GRID2: variants seen among roughly 807,000 people sequenced by gnomAD.
GRID2 encodes the protein glutamate ionotropic receptor delta type subunit 2.
A neutral mutation model predicts 114.8 loss-of-function variants in GRID2; 33 were observed. That is an observed-to-expected ratio of 0.29 (90% confidence interval 0.22 to 0.38). The LOEUF (loss-of-function observed/expected upper bound fraction) is 0.38. Ranked by LOEUF, GRID2 falls within the 10% of genes least tolerant of loss-of-function variation. The pLI is 1.00. For synonymous variants in GRID2, 505 were observed against 449.9 expected, an observed-to-expected ratio of 1.12 and a Z score of -1.55; for missense variants, 1,184 against 1,257.7, an observed-to-expected ratio of 0.94 and a Z score of 0.89.
intron 2 of GRID2, among the ~76,000 whole-genome samples, chr4:92,799,167 G>C (rs924426629): frequency 1.3e-5 from 2 of 152,004 alleles, no homozygotes; most frequent in Non-Finnish European, 2.9e-5. Flanking sequence ...GACAGTCCCA[G>C]ATGGGCTGTG....
intron 1 of GRID2, among the ~76,000 whole-genome samples, chr4:92,431,670 G>C (rs1013801621): frequency 5.3e-5 from 8 of 150,516 alleles, no homozygotes; most frequent in African/African-American, 1.5e-4. Flanking sequence ...ATGTTATCTT[G>C]AATTTCATTT....
At chr4:92,990,305 A>G (rs2124621) in intron 2 of GRID2, among the ~76,000 whole-genome samples, 3,095 of 71,322 alleles carry the variant, frequency 0.043, 109 homozygotes, top group Admixed American at 0.13. Context: ...ATATATATAT[A>G]TGTGTGTGTG....
intron 7 of GRID2, among the ~76,000 whole-genome samples, chr4:93,237,373 G>A (rs1746919862): frequency 6.6e-6 from 1 of 151,764 alleles, no homozygotes; most frequent in South Asian, 2.1e-4. Context: ...AGGTGATTGG[G>A]CTACAAGGCA....
At chr4:93,762,594 A>G (rs887382167) in intron 14 of GRID2, among the ~76,000 whole-genome samples, 7 of 152,154 alleles carry the variant, frequency 4.6e-5, no homozygotes, top group African/African-American at 1.7e-4. Flanking sequence ...AGAGGTCAGG[A>G]GAAGAGAAAG....
chr4:92,316,027 C>T (rs1465206324), intron 1 of GRID2, among the ~76,000 whole-genome samples: 2 of 148,126 alleles, frequency 1.4e-5, no homozygotes, highest in Admixed American at 6.7e-5. Context: ...AAAGAGAACC[C>T]GTTCTGTTGT....
intron 11 of GRID2, among the ~76,000 whole-genome samples, chr4:93,489,330 G>A (rs1193503925): frequency 6.6e-6 from 1 of 151,932 alleles, no homozygotes; most frequent in Admixed American, 6.6e-5. Flanking sequence ...ACATATATCG[G>A]CATGGCTCTA....
intron 8 of GRID2, among the ~76,000 whole-genome samples, chr4:93,317,954 T>A (rs556037433): frequency 7.1e-6 from 1 of 140,138 alleles, no homozygotes; most frequent in Non-Finnish European, 1.5e-5. Flanking sequence ...TTCTCAGCAG[T>A]AAATCAGTTT....
intron 14 of GRID2, among the ~76,000 whole-genome samples, chr4:93,630,173 A>C (rs1035308030): frequency 6.6e-6 from 1 of 152,190 alleles, no homozygotes; most frequent in Admixed American, 6.5e-5. Context: ...ATAACTTGGC[A>C]GCAGAAGTTA....
chr4:92,520,257 T>C (rs1724698686), intron 1 of GRID2, among the ~76,000 whole-genome samples: 1 of 151,828 alleles, frequency 6.6e-6, no homozygotes, highest in African/African-American at 2.4e-5. Flanking sequence ...TTCAGGATAA[T>C]GTAATATTAA....
intron 11 of GRID2, among the ~76,000 whole-genome samples, chr4:93,474,556 C>G (rs2149439101): frequency 6.6e-6 from 1 of 152,070 alleles, no homozygotes; most frequent in Non-Finnish European, 1.5e-5. Context: ...TGTAGGAAGC[C>G]CATGATCTAA....
intron 4 of GRID2, among the ~76,000 whole-genome samples, chr4:93,168,508 A>G (rs1225788162): frequency 6.6e-6 from 1 of 152,122 alleles, no homozygotes; most frequent in Non-Finnish European, 1.5e-5. Flanking sequence ...ATATATCACT[A>G]CAAGTAGAAT....
At position 93,224,631 on chromosome 4, in the gene GRID2, A is replaced by G. The variant is rs761727838; in HGVS notation, c.981A>G (p.Ile327Met). 13 of 1,609,876 alleles carry G rather than the reference A, an allele frequency of 8.1e-6. No homozygotes were observed. The South Asian group carries it at 1.1e-4, about 14-fold the overall frequency. Reference protein sequence around the residue: ...AQNMEISNLYIYDTVLLLANA... With the variant: ...AQNMEISNLYMYDTVLLLANA... The stretch of plus-strand genomic sequence containing the variant: ...CTTTTCAGATTTCCAACCTTTACAT[A>G]TATGACACGGTGCTTCTGCTTGCTA... Residue 327 changes from isoleucine (I) to methionine (M), a missense_variant, in exon 7 of 16, where the codon ATA becomes ATG. Physicochemically the swap from Ile to Met is conservative, Grantham distance 10. Coordinates refer to ENST00000282020, the MANE Select transcript of GRID2 (RefSeq NM_001510.4).
At chr4:93,578,587 A>ATTTTTTTTTTTTTTTTTTTTTT (rs59397408) in intron 13 of GRID2, among the ~76,000 whole-genome samples, 3 of 83,930 alleles carry the variant, frequency 3.6e-5, no homozygotes, top group African/African-American at 1.6e-4. Context: ...TGTTTTTTGT[A>ATTTTTTTTTTTTTTTTTTTTTT]TTTTTTTTTT....
chr4:92,557,921 T>A (rs1173536568), intron 1 of GRID2, among the ~76,000 whole-genome samples: 1 of 152,146 alleles, frequency 6.6e-6, no homozygotes, highest in Non-Finnish European at 1.5e-5. Context: ...ATTCTGCAGA[T>A]ACTTTGCATA....
At chr4:93,437,179 C>T (rs1721171035) in intron 10 of GRID2, among the ~76,000 whole-genome samples, 1 of 152,098 alleles carries the variant, frequency 6.6e-6, no homozygotes, top group Non-Finnish European at 1.5e-5. Context: ...TTATTCCTGA[C>T]ACAGTCTCAC....
In GRID2 at chr4:93,626,274, A is replaced by G; in HGVS notation, c.2199A>G (p.Lys733=). ...LESQAGIQKV[K]YGNYAFVWDA... is the part of the protein sequence containing the mutation. ...TGTTCTTCATTTTTTCACAGGTAAA[A>G]TATGGAAATTATGCTTTCGTATGGG... Residue 733 remains lysine, a synonymous_variant, in exon 14 of 16, where the codon AAA becomes AAG. Coordinates refer to ENST00000282020, the MANE Select transcript of GRID2 (RefSeq NM_001510.4). The G allele has an allele frequency of 6.3e-7, 1 of 1,582,664 alleles. No individual in the cohort carries two copies. The highest frequency in any genetic ancestry group is 8.6e-7 in the Non-Finnish European group (1 of 1,158,130).
chr4:93,460,669 C>T (rs1350440655), intron 11 of GRID2, among the ~76,000 whole-genome samples: 2 of 151,596 alleles, frequency 1.3e-5, no homozygotes, highest in Non-Finnish European at 2.9e-5. Flanking sequence ...TAGTTAAGTG[C>T]CTTGTACATG....
At chr4:92,341,866 G>C (rs1044293917) in intron 1 of GRID2, among the ~76,000 whole-genome samples, 3 of 149,238 alleles carry the variant, frequency 2.0e-5, no homozygotes, top group Non-Finnish European at 4.4e-5. Context: ...AGTGAGCTGA[G>C]ATCGCGCCAT....
chr4:93,631,769 T>C (rs1720915446), intron 14 of GRID2, among the ~76,000 whole-genome samples: 1 of 152,226 alleles, frequency 6.6e-6, no homozygotes, highest in South Asian at 2.1e-4. Context: ...TTTCTAGTTC[T>C]AGATCCCTGA....
Sources: allele counts gnomAD v4.1 joint callset (sites outside exome capture counted in the v4.1 genomes callset), GRCh38; gene constraint gnomAD v4.1.1; transcripts MANE v1.5; gene names NCBI Gene and HGNC (gene_info 2026-07-23, HGNC 2026-07-21).